Variants in RAD18 observed in about 807,000 individuals in gnomAD.
The protein encoded by RAD18 is RAD18 E3 ubiquitin protein ligase, also known as E3 ubiquitin-protein ligase RAD18.
In RAD18, 47 loss-of-function variants were observed where a neutral mutation model predicts 60.4. That is an observed-to-expected ratio of 0.78 (90% CI 0.62 to 0.99). The LOEUF (loss-of-function observed/expected upper bound fraction) is 0.99. Among genes scored for constraint, RAD18 ranks in the 50% least tolerant of loss-of-function variants. The pLI, the probability that RAD18 is intolerant of heterozygous loss-of-function variation, is 0.00. For synonymous variants in RAD18, 225 were observed against 195.5 expected (o/e 1.15, Z -1.26); for missense variants, 640 against 593.3 (o/e 1.08, Z -0.82).
chr3:8,924,840 T>G (rs1403604007), intron 7 of RAD18, among the ~76,000 whole-genome samples: 63 of 130,616 alleles, frequency 4.8e-4, no homozygotes, highest in East Asian at 1.9e-3. Flanking sequence ...AAGGCAGAAA[T>G]AAAGATGTTC....
Position 8,912,567 on chromosome 3 carries a change from T to C in RAD18, c.967-195A>G, listed in dbSNP as rs189343842. 245 of 357,116 alleles carry C rather than the reference T, an allele frequency of 6.9e-4. 1 individual carries two copies. Among genetic ancestry groups the C allele is most frequent in the Middle Eastern group, 2.2e-3 (3 of 1,380 alleles). 22.1% of individuals were successfully genotyped at this position (357,116 alleles called of 1,614,324 possible). A position where few individuals can be genotyped will look rare whatever the true frequency, so the allele number is the denominator to read the frequency against. ...CCAGAAATGGTATACATTTTACTCATTATTTTTTCTCATCAGTAGAAAATG... is the reference window on the plus strand; with the variant it reads ...CCAGAAATGGTATACATTTTACTCACTATTTTTTCTCATCAGTAGAAAATG... On this transcript the variant is annotated intron_variant, in intron 8 of 12. Transcript: ENST00000264926.
In RAD18 at chr3:8,890,467, C is replaced by T. The variant is rs778891457; in HGVS notation, c.1323-16G>A. 3.9e-6 allele frequency: 6 copies of T among 1,539,702 alleles called. No individual in the cohort carries two copies. The Admixed American group carries it at 6.7e-5, about 17-fold the overall frequency. On this transcript the variant is annotated splice_polypyrimidine_tract_variant and intron_variant, in intron 11 of 12. Transcript: ENST00000264926. ...TGAACTGGAACTAAAAGGATATGTA[C>T]ATCAGTATTGACAGACAACAAGAAG...
At chr3:8,901,004 C>G (rs900356549) in intron 10 of RAD18, among the ~76,000 whole-genome samples, 4 of 152,186 alleles carry the variant, frequency 2.6e-5, no homozygotes, top group Non-Finnish European at 5.9e-5. Flanking sequence ...CTAGAAATAT[C>G]CTTTAACAAC....
At chr3:8,907,343 C>T (rs542917085) in intron 9 of RAD18, among the ~76,000 whole-genome samples, 1 of 152,222 alleles carries the variant, frequency 6.6e-6, no homozygotes, top group South Asian at 2.1e-4. Flanking sequence ...AAACAGACAC[C>T]CTCTAAGTTT....
At chr3:8,917,350 A>C (rs1940221942) in intron 7 of RAD18, among the ~76,000 whole-genome samples, 1 of 152,244 alleles carries the variant, frequency 6.6e-6, no homozygotes, top group Admixed American at 6.5e-5. Flanking sequence ...TTACCTAAGA[A>C]GAAATGAAAA....
intron 2 of RAD18, 28 bp downstream of exon 2, chr3:8,958,892 C>A (rs934924828): frequency 6.4e-7 from 1 of 1,574,132 alleles, no homozygotes; most frequent in Non-Finnish European, 8.7e-7. Context: ...TCGCAATTTA[C>A]TAACTCACAG....
intron 2 of RAD18, among the ~76,000 whole-genome samples, chr3:8,951,841 A>G (rs1259835586): frequency 1.3e-5 from 2 of 152,348 alleles, no homozygotes; most frequent in East Asian, 1.9e-4. Flanking sequence ...CTGGAGGCTA[A>G]AAGTCCAAGA....
intron 2 of RAD18, 149 bp from the exon 3 acceptor site, chr3:8,948,719 C>A: frequency 1.7e-6 from 1 of 591,944 alleles, no homozygotes; most frequent in Non-Finnish European, 3.0e-6. Flanking sequence ...CTACTCTATG[C>A]ACACTTACAC....
intron 2 of RAD18, among the ~76,000 whole-genome samples, chr3:8,951,323 G>C (rs1303338358): frequency 6.6e-6 from 1 of 152,160 alleles, no homozygotes; most frequent in Non-Finnish European, 1.5e-5. Flanking sequence ...ACAAACCACA[G>C]AGAGTGCACC....
intron 9 of RAD18, among the ~76,000 whole-genome samples, chr3:8,911,085 C>T (rs1940097505): frequency 6.6e-6 from 1 of 152,110 alleles, no homozygotes; most frequent in Non-Finnish European, 1.5e-5. Context: ...GAACCTGACA[C>T]TAAATCAAAA....
chr3:8,909,306 T>C (rs926221591), intron 9 of RAD18, among the ~76,000 whole-genome samples: 3 of 152,208 alleles, frequency 2.0e-5, no homozygotes, highest in South Asian at 4.2e-4. Context: ...GAAGAGTTCT[T>C]TACAATGGCA....
chr3:8,942,030 C>T (rs1229149224), intron 4 of RAD18, among the ~76,000 whole-genome samples: 1 of 152,118 alleles, frequency 6.6e-6, no homozygotes, highest in Non-Finnish European at 1.5e-5. Flanking sequence ...CAGCTTTAGG[C>T]CACAGAGAAC....
chr3:8,890,549 C>G (rs1486496951), intron 11 of RAD18, 98 bp from the exon 12 acceptor site: 2 of 878,474 alleles, frequency 2.3e-6, no homozygotes, highest in African/African-American at 3.4e-5. Flanking sequence ...TCTATAGTGA[C>G]AGAAAGCAAA....
At chr3:8,910,204 G>A (rs962420335) in intron 9 of RAD18, among the ~76,000 whole-genome samples, 8 of 152,322 alleles carry the variant, frequency 5.3e-5, no homozygotes, top group Non-Finnish European at 1.2e-4. Flanking sequence ...TATAATCAAT[G>A]TGTGTAAATG....
intron 9 of RAD18, among the ~76,000 whole-genome samples, chr3:8,911,951 G>A (rs997388285): frequency 1.3e-5 from 2 of 152,222 alleles, no homozygotes; most frequent in Non-Finnish European, 2.9e-5. Context: ...AGCTATAGAA[G>A]CATTGAAATC....
At chr3:8,954,899 G>T (rs1940983171) in intron 2 of RAD18, among the ~76,000 whole-genome samples, 1 of 152,004 alleles carries the variant, frequency 6.6e-6, no homozygotes, top group Non-Finnish European at 1.5e-5. Flanking sequence ...TGTGACAACT[G>T]GTGTTTAGTA....
At chr3:8,909,591 G>C (rs971438191) in intron 9 of RAD18, among the ~76,000 whole-genome samples, 2 of 152,012 alleles carry the variant, frequency 1.3e-5, no homozygotes, top group Non-Finnish European at 2.9e-5. Context: ...GTGATGGAAA[G>C]TAGAAAACAG....
In RAD18 at chr3:8,894,922, G is replaced by A. The variant is rs186766568; in HGVS notation, c.1322+3972C>T. Among the ~76,000 whole-genome samples, 87 of 152,012 alleles carry A rather than the reference G, an allele frequency of 5.7e-4. No homozygotes were observed. In the South Asian group the frequency reaches 6.4e-3, roughly 11 times the overall value. ...ATTACAGGCACATGCTACTGCGCCT[G>A]GCTAATTTTTATATTTTTAGTAAAG... On this transcript the variant is annotated intron_variant, in intron 11 of 12. Coordinates refer to ENST00000264926, the MANE Select transcript of RAD18 (RefSeq NM_020165.4).
At chr3:8,907,187 T>C (rs1356083613) in intron 9 of RAD18, among the ~76,000 whole-genome samples, 1 of 152,228 alleles carries the variant, frequency 6.6e-6, no homozygotes, top group Non-Finnish European at 1.5e-5. Context: ...GGAAACTGTA[T>C]TATAAGGCTC....
Sources: gnomAD v4.1 joint callset for allele counts (sites outside exome capture counted in the v4.1 genomes callset) on GRCh38, gnomAD v4.1.1 for gene constraint, MANE v1.5 for transcripts, NCBI Gene and HGNC (gene_info 2026-07-23, HGNC 2026-07-21) for gene names.